Variants in STMP1 observed in about 807,000 individuals in gnomAD.
The protein encoded by STMP1 is mitolamban.
STMP1 carries 7 observed loss-of-function variants against 7.0 expected under a neutral mutation model. The ratio of observed to expected loss-of-function variants is 1.01; its 90% CI spans 0.57 to 1.89. The LOEUF is 1.89. Ranked by LOEUF, STMP1 falls within the 40% of genes most tolerant of loss-of-function variation. The pLI is 0.00. For missense variants in STMP1, 45 were observed against 53.0 expected (o/e 0.85, Z 0.47); for synonymous variants, 19 against 18.4 (o/e 1.03, Z -0.08).
intron 1 of STMP1, chr7:135,665,745 A>G (rs543622665): frequency 1.3e-5 from 2 of 152,210 alleles, no homozygotes; most frequent in East Asian, 3.9e-4. Flanking sequence ...CTTTGCAGAT[A>G]GTTACCAACA....
At chr7:135,664,563 T>A (rs1358212211) in intron 1 of STMP1, among the ~76,000 whole-genome samples, 1 of 152,020 alleles carries the variant, frequency 6.6e-6, no homozygotes, top group East Asian at 1.9e-4. Flanking sequence ...TGCCTAGGCC[T>A]CCCACAGTGT....
chr7:135,668,616 C>T (rs1405675320), intron 1 of STMP1, among the ~76,000 whole-genome samples: 2 of 152,226 alleles, frequency 1.3e-5, no homozygotes, highest in Non-Finnish European at 2.9e-5. Context: ...GATGCCCAGG[C>T]TGGTCTCAAA....
Position 135,662,520 on chromosome 7 carries a change from G to T in STMP1, c.-60G>T. ...CCCCCGCGCATGGGGAGGTAGGCTC[G>T]GACCGGCCCGCGGAGCTGCTGCAGT... On this transcript the variant is annotated 5_prime_UTR_variant, in exon 1 of 3. Coordinates refer to ENST00000507606, the MANE Select transcript of STMP1 (RefSeq NM_001130929.2). 6.5e-7 allele frequency: 1 copy of T among 1,526,982 alleles called. No homozygotes were observed. 94.6% of individuals were successfully genotyped at this position (1,526,982 alleles called of 1,614,324 possible).
chr7:135,664,937 A>G (rs1275422074), intron 1 of STMP1, among the ~76,000 whole-genome samples: 1 of 152,044 alleles, frequency 6.6e-6, no homozygotes, highest in East Asian at 1.9e-4. Flanking sequence ...GCCTCCCATC[A>G]TTTTCAAGCT....
intron 1 of STMP1, among the ~76,000 whole-genome samples, chr7:135,669,721 CAT>C (rs1795337888): frequency 6.6e-6 from 1 of 152,210 alleles, no homozygotes; most frequent in Admixed American, 6.5e-5. Context: ...TGGTGTGAGA[CAT>C]ATTCTCCAGC....
chr7:135,671,906 C>T lies in STMP1; in HGVS notation c.16-847C>T, dbSNP rs541224791. Among the ~76,000 whole-genome samples the T allele has an allele frequency of 2.4e-4, 36 of 152,326 alleles. No individual in the cohort carries two copies. The South Asian group carries it at 7.3e-3, about 31-fold the overall frequency. On this transcript the variant is annotated intron_variant, in intron 1 of 2. Coordinates refer to ENST00000507606, the MANE Select transcript of STMP1 (RefSeq NM_001130929.2). ...TTCCCATCCTGGGCCTCAAGTTCCT[C>T]TTTTGAACTATGAAGAGATTGTAAA... is the stretch of plus-strand genomic sequence containing the variant.
In STMP1 at chr7:135,675,947, CAG is replaced by C. The variant is rs1452111864; in HGVS notation, c.*1785_*1786del. The C allele has an allele frequency of 4.9e-5, 6 of 123,020 alleles. No homozygotes were observed. The highest frequency in any genetic ancestry group is 8.8e-5 in the African/African-American group (3 of 34,242). 7.6% of individuals were successfully genotyped at this position (123,020 alleles called of 1,614,324 possible). ...CTTTTTTTTTTTTTTTTTTTTGAGA[CAG>C]AGTCTCACTCTGCTGCCCAGGCTGG... On this transcript the variant is annotated 3_prime_UTR_variant, in exon 3 of 3. Coordinates refer to ENST00000507606, the MANE Select transcript of STMP1 (RefSeq NM_001130929.2).
At chr7:135,673,098 T>G (rs1236145276) in intron 2 of STMP1, 6 of 407,786 alleles carry the variant, frequency 1.5e-5, no homozygotes, top group Non-Finnish European at 2.6e-5. Flanking sequence ...GCTCTTAAAA[T>G]TCTTTGGGAA....
chr7:135,669,926 T>C lies in STMP1; in HGVS notation c.16-2827T>C, dbSNP rs56786411. ...GGGTTTCAGAATTGTGGATAATGGATTGTGGAGCTTCACTGATTCTTAGTG... is the reference window on the plus strand; with the variant it reads ...GGGTTTCAGAATTGTGGATAATGGACTGTGGAGCTTCACTGATTCTTAGTG... On this transcript the variant is annotated intron_variant, in intron 1 of 2. Coordinates refer to ENST00000507606, the MANE Select transcript of STMP1 (RefSeq NM_001130929.2). Among the ~76,000 whole-genome samples, 663 of 152,288 alleles carry C rather than the reference T, an allele frequency of 4.4e-3. 3 individuals are homozygous for C. Among genetic ancestry groups the C allele is most frequent in the African/African-American group, 0.015 (634 of 41,554 alleles).
At position 135,669,050 on chromosome 7, in the gene STMP1, GCAGA is replaced by G. The variant is rs1795331356; in HGVS notation, c.16-3700_16-3697del. ...CAAGTAACGTCTTACATGGATGGCA[GCAGA>G]CAAAGAGAGAGCTTGTGCAGGGGAA... On this transcript the variant is annotated intron_variant, in intron 1 of 2. Coordinates refer to ENST00000507606, the MANE Select transcript of STMP1 (RefSeq NM_001130929.2). Among the ~76,000 whole-genome samples the G allele has an allele frequency of 2.6e-5, 4 of 152,354 alleles. No individual in the cohort carries two copies. The South Asian group carries it at 8.3e-4, about 32-fold the overall frequency.
Position 135,674,110 on chromosome 7 carries a change from A to C in STMP1, c.89A>C (p.Lys30Thr). 1.9e-6 allele frequency: 3 copies of C among 1,550,850 alleles called. No individual in the cohort carries two copies. Among genetic ancestry groups the C allele is most frequent in the Non-Finnish European group, 2.6e-6 (3 of 1,146,722 alleles). Residue 30 changes from lysine (K) to threonine (T), a missense_variant, in exon 3 of 3, where the codon AAA becomes ACA. By Grantham distance (78) the Lys-to-Thr change is moderately conservative. Transcript: ENST00000507606. Reference protein sequence around the residue: ...QNYDIPNLAKKLEEIKKDLDA... With the variant: ...QNYDIPNLAKTLEEIKKDLDA... Reference sequence around the variant, plus strand: ...TCAAAGATACCAAACCTGGCTAAAAAACTTGAAGAAATTAAAAAGGACTTG... The same window carrying C: ...TCAAAGATACCAAACCTGGCTAAAACACTTGAAGAAATTAAAAAGGACTTG...
At chr7:135,662,858 T>C (rs913307905) in intron 1 of STMP1, among the ~76,000 whole-genome samples, 1 of 152,220 alleles carries the variant, frequency 6.6e-6, no homozygotes, top group Admixed American at 6.5e-5. Context: ...GAGCTTCTTA[T>C]TGTGTGCCGC....
intron 1 of STMP1, among the ~76,000 whole-genome samples, chr7:135,669,996 A>C (rs757050155): frequency 4.6e-5 from 7 of 152,110 alleles, no homozygotes; most frequent in Non-Finnish European, 8.8e-5. Flanking sequence ...TCTGTTGTGT[A>C]CTGCTCTGTG....
intron 2 of STMP1, among the ~76,000 whole-genome samples, chr7:135,673,563 A>G (rs1342973059): frequency 6.6e-6 from 1 of 152,202 alleles, no homozygotes; most frequent in Non-Finnish European, 1.5e-5. Context: ...GTGGGTATAC[A>G]AAAGTAGAAG....
At chr7:135,672,967 A>T in intron 2 of STMP1, 161 bp downstream of exon 2, 1 of 638,350 alleles carries the variant, frequency 1.6e-6, no homozygotes, top group Non-Finnish European at 2.7e-6. Context: ...TTGAAAAAGT[A>T]ATCCAACTCA....
chr7:135,672,944 G>A (rs1584707199), intron 2 of STMP1, 138 bp downstream of exon 2: 8 of 702,098 alleles, frequency 1.1e-5, no homozygotes, highest in East Asian at 2.7e-5. Flanking sequence ...ATTGTAGAAT[G>A]GTTTGCCATT....
chr7:135,673,831 C>T (rs1210787315), intron 2 of STMP1, among the ~76,000 whole-genome samples: 4 of 152,058 alleles, frequency 2.6e-5, no homozygotes, highest in South Asian at 2.1e-4. Flanking sequence ...CAACTACTTG[C>T]GGGATTGTGG....
chr7:135,668,731 C>T (rs1795323994), intron 1 of STMP1, among the ~76,000 whole-genome samples: 1 of 152,222 alleles, frequency 6.6e-6, no homozygotes, highest in Non-Finnish European at 1.5e-5. Context: ...AGCCCAACAT[C>T]TAGACCTTTC....
intron 1 of STMP1, among the ~76,000 whole-genome samples, chr7:135,666,548 G>C (rs1795295422): frequency 6.6e-6 from 1 of 151,730 alleles, no homozygotes. Flanking sequence ...AGCCATGTTG[G>C]CCAGGCTGGT....
Sources: allele counts gnomAD v4.1 joint callset (sites outside exome capture counted in the v4.1 genomes callset), GRCh38; gene constraint gnomAD v4.1.1; transcripts MANE v1.5; gene names NCBI Gene and HGNC (gene_info 2026-07-23, HGNC 2026-07-21).